NCKAP5: variants seen among roughly 807,000 people sequenced by gnomAD.
The protein encoded by NCKAP5 is nck-associated protein 5.
In NCKAP5, 92 loss-of-function variants were observed where a neutral mutation model predicts 167.0. The ratio of observed to expected loss-of-function variants is 0.55; its 90% CI spans 0.47 to 0.66. The LOEUF is 0.66. Among genes scored for constraint, NCKAP5 ranks in the 30% least tolerant of loss-of-function variants. The pLI, the probability that NCKAP5 is intolerant of heterozygous loss-of-function variation, is 0.00. For missense variants in NCKAP5, 2,378 were observed against 2,315.0 expected (o/e 1.03, Z -0.56); for synonymous variants, 891 against 877.4 (o/e 1.02, Z -0.27).
intron 6 of NCKAP5, among the ~76,000 whole-genome samples, chr2:133,100,514 G>A (rs867988527): frequency 1.3e-5 from 2 of 152,252 alleles, no homozygotes; most frequent in Middle Eastern, 6.8e-3. Flanking sequence ...GAGTCCAGAC[G>A]TGGTAGGGTA....
chr2:133,171,229 G>A lies in NCKAP5; in HGVS notation c.208-41118C>T, dbSNP rs115621086. Among the ~76,000 whole-genome samples, 704 of 152,216 alleles carry A rather than the reference G, an allele frequency of 4.6e-3. 1 individual carries two copies. The highest frequency in any genetic ancestry group is 0.016 in the African/African-American group (658 of 41,522). ...ATGAAACCCACAAAAGGAGACAGTT[G>A]TTTTTGTGGAATGATAAAGAGAAGT... On this transcript the variant is annotated intron_variant, in intron 5 of 19. Coordinates refer to ENST00000409261, the MANE Select transcript of NCKAP5 (RefSeq NM_207363.3).
chr2:132,799,776 T>A (rs7598405), intron 11 of NCKAP5, among the ~76,000 whole-genome samples: 53,219 of 152,022 alleles, frequency 0.35, 9,766 homozygotes, highest in East Asian at 0.47. Context: ...TCAAAATTTT[T>A]AATTATTATG....
chr2:133,551,180 A>T (rs988474554), intron 2 of NCKAP5, among the ~76,000 whole-genome samples: 3 of 152,136 alleles, frequency 2.0e-5, no homozygotes, highest in Admixed American at 1.3e-4. Context: ...AAGGTAATTT[A>T]TAGATTCAAT....
chr2:133,613,521 T>C, the NCKAP5 span, among the ~76,000 whole-genome samples: 1 of 152,210 alleles, frequency 6.6e-6, no homozygotes, highest in Non-Finnish European at 1.5e-5. Context: ...ATATAAGCAG[T>C]GTTTCACATT....
chr2:133,046,347 G>A (rs2079398160), intron 6 of NCKAP5, among the ~76,000 whole-genome samples: 1 of 151,920 alleles, frequency 6.6e-6, no homozygotes, highest in Non-Finnish European at 1.5e-5. Flanking sequence ...AGCTCAAAAG[G>A]AGAGTCCCTC....
chr2:133,072,378 C>T (rs1370753260), intron 6 of NCKAP5, among the ~76,000 whole-genome samples: 1 of 152,100 alleles, frequency 6.6e-6, no homozygotes, highest in Non-Finnish European at 1.5e-5. Flanking sequence ...AACATCTCAC[C>T]TTTTCCAGGG....
intron 6 of NCKAP5, among the ~76,000 whole-genome samples, chr2:133,101,484 T>C (rs1432941529): frequency 7.1e-6 from 1 of 140,546 alleles, no homozygotes; most frequent in Admixed American, 7.3e-5. Flanking sequence ...ATCTGTAAAT[T>C]ACCTTGGGCA....
chr2:133,032,879 A>G (rs76999019), intron 6 of NCKAP5, among the ~76,000 whole-genome samples: 2,900 of 152,230 alleles, frequency 0.019, 84 homozygotes, highest in African/African-American at 0.065. Context: ...ACCAGTGGGG[A>G]GAGACAGAGC....
intron 3 of NCKAP5, among the ~76,000 whole-genome samples, chr2:133,398,747 T>C (rs928490980): frequency 2.6e-5 from 4 of 152,048 alleles, no homozygotes; most frequent in Admixed American, 6.6e-5. Context: ...ATTGGGAGCA[T>C]AGCCAAGCAG....
chr2:133,426,436 C>A (rs1414917126), intron 3 of NCKAP5, among the ~76,000 whole-genome samples: 1 of 133,916 alleles, frequency 7.5e-6, no homozygotes, highest in African/African-American at 2.9e-5. Flanking sequence ...TTCTTAAAGT[C>A]TTCCAAAAAA....
intron 17 of NCKAP5, among the ~76,000 whole-genome samples, chr2:132,731,306 T>C (rs955416876): frequency 7.9e-5 from 12 of 152,234 alleles, no homozygotes; most frequent in Non-Finnish European, 1.3e-4. Flanking sequence ...ATGTCTTTTA[T>C]AGTTCAACAT....
intron 19 of NCKAP5, among the ~76,000 whole-genome samples, chr2:132,687,902 C>T (rs76400845): frequency 8.4e-4 from 128 of 152,278 alleles, no homozygotes; most frequent in South Asian, 2.1e-3. Flanking sequence ...TGTGAGCCAA[C>T]TAGAACAGAA....
intron 3 of NCKAP5, among the ~76,000 whole-genome samples, chr2:133,477,862 A>AT (rs903423928): frequency 1.3e-5 from 2 of 151,980 alleles, no homozygotes; most frequent in Non-Finnish European, 2.9e-5. Flanking sequence ...TCAGCATGAG[A>AT]TTTTTTCAGG....
chr2:133,379,526 C>T (rs1686375064), intron 3 of NCKAP5, among the ~76,000 whole-genome samples: 1 of 152,174 alleles, frequency 6.6e-6, no homozygotes, highest in Non-Finnish European at 1.5e-5. Flanking sequence ...TACCAAGTCT[C>T]ATCTTTCTAG....
At chr2:133,320,113 G>A (rs1195459017) in intron 3 of NCKAP5, among the ~76,000 whole-genome samples, 1 of 152,104 alleles carries the variant, frequency 6.6e-6, no homozygotes, top group Non-Finnish European at 1.5e-5. Flanking sequence ...GCAATGGAGT[G>A]TTGTGCTTTT....
chr2:133,193,899 A>C (rs1425334498), intron 5 of NCKAP5, among the ~76,000 whole-genome samples: 1 of 152,154 alleles, frequency 6.6e-6, no homozygotes, highest in African/African-American at 2.4e-5. Context: ...AACATATTTT[A>C]GTCAAAAATT....
intron 12 of NCKAP5, among the ~76,000 whole-genome samples, chr2:132,793,919 C>T (rs1475969074): frequency 1.3e-5 from 2 of 152,030 alleles, no homozygotes; most frequent in Admixed American, 6.6e-5. Flanking sequence ...TTTTCCCCTA[C>T]AGTTTCCTTC....
At chr2:133,464,446 T>TC (rs1264719998) in intron 3 of NCKAP5, among the ~76,000 whole-genome samples, 3 of 474 alleles carry the variant, frequency 6.3e-3, no homozygotes, top group African/African-American at 0.024. Context: ...ATCCCAGCCC[T>TC]TTGGGGGCCA....
intron 8 of NCKAP5, among the ~76,000 whole-genome samples, chr2:132,894,882 G>A (rs1022486556): frequency 3.3e-5 from 5 of 152,092 alleles, no homozygotes; most frequent in Admixed American, 1.3e-4. Context: ...GCCTCCTGCC[G>A]TTCTGCGAGG....
Sources: allele counts gnomAD v4.1 joint callset (sites outside exome capture counted in the v4.1 genomes callset), GRCh38; gene constraint gnomAD v4.1.1; transcripts MANE v1.5; gene names NCBI Gene and HGNC (gene_info 2026-07-23, HGNC 2026-07-21).